SGCZ: variants seen among roughly 807,000 people sequenced by gnomAD.
SGCZ encodes zeta-sarcoglycan.
Under a neutral mutation model 41.3 loss-of-function variants are expected in SGCZ, and 40 were observed. The ratio of observed to expected loss-of-function variants is 0.97; its 90% CI spans 0.75 to 1.26. The LOEUF (loss-of-function observed/expected upper bound fraction) is 1.26, where lower values mean the gene tolerates loss of function less well. Among genes scored for constraint, SGCZ ranks in the 50% most tolerant of loss-of-function variants. SGCZ has a pLI of 0.00. For missense variants in SGCZ, 552 were observed against 369.8 expected (o/e 1.49, Z -4.04); for synonymous variants, 206 against 137.5 (o/e 1.50, Z -3.49).
intron 2 of SGCZ, among the ~76,000 whole-genome samples, chr8:14,533,331 A>G (rs1349439074): frequency 6.7e-6 from 1 of 148,330 alleles, no homozygotes; most frequent in East Asian, 2.2e-4. Context: ...TATTAGCAAC[A>G]CTAAAAAAAT....
intron 1 of SGCZ, among the ~76,000 whole-genome samples, chr8:15,109,512 T>C (rs1006417125): frequency 6.6e-6 from 1 of 152,118 alleles, no homozygotes; most frequent in African/African-American, 2.4e-5. Flanking sequence ...TTATTTGCAA[T>C]GAGTCACAGA....
chr8:14,267,897 AT>A (rs1799929023), intron 3 of SGCZ, among the ~76,000 whole-genome samples: 1 of 152,022 alleles, frequency 6.6e-6, no homozygotes, highest in South Asian at 2.1e-4. Flanking sequence ...CTATTTTTAC[AT>A]TTAGGTTCTT....
chr8:14,672,153 G>T (rs1196323847), intron 1 of SGCZ, among the ~76,000 whole-genome samples: 1 of 152,126 alleles, frequency 6.6e-6, no homozygotes, highest in Non-Finnish European at 1.5e-5. Flanking sequence ...CCTTCTAAAT[G>T]CCATGAATAG....
intron 5 of SGCZ, among the ~76,000 whole-genome samples, chr8:14,159,382 A>G (rs1803974350): frequency 6.6e-6 from 1 of 152,232 alleles, no homozygotes; most frequent in Admixed American, 6.5e-5. Flanking sequence ...AGCTTAAAAA[A>G]ATAAATCATG....
At chr8:15,190,702 G>A (rs758618305) in intron 1 of SGCZ, among the ~76,000 whole-genome samples, 8 of 149,956 alleles carry the variant, frequency 5.3e-5, no homozygotes, top group East Asian at 2.0e-4. Flanking sequence ...TGCGTGTGTC[G>A]TGGGGGATGG....
At chr8:15,086,299 A>C (rs1805946581) in intron 1 of SGCZ, among the ~76,000 whole-genome samples, 2 of 152,188 alleles carry the variant, frequency 1.3e-5, no homozygotes, top group Admixed American at 1.3e-4. Flanking sequence ...CGAAAACTAC[A>C]ACGTGGTTGC....
intron 1 of SGCZ, among the ~76,000 whole-genome samples, chr8:14,810,699 C>G (rs115030950): frequency 2.0e-5 from 3 of 152,108 alleles, no homozygotes; most frequent in African/African-American, 7.2e-5. Flanking sequence ...ACTTCTGGTT[C>G]AGTGACTTCC....
At chr8:14,892,108 A>G (rs1563343396) in intron 1 of SGCZ, among the ~76,000 whole-genome samples, 1 of 152,210 alleles carries the variant, frequency 6.6e-6, no homozygotes, top group Non-Finnish European at 1.5e-5. Flanking sequence ...ACAATTTATT[A>G]CGTATGTAGT....
intron 1 of SGCZ, among the ~76,000 whole-genome samples, chr8:15,111,286 G>T (rs1034231926): frequency 2.0e-5 from 3 of 152,072 alleles, no homozygotes; most frequent in Non-Finnish European, 2.9e-5. Context: ...GGTAACAAAG[G>T]ATCAGAGGCA....
chr8:14,756,856 G>A (rs570370924), intron 1 of SGCZ, among the ~76,000 whole-genome samples: 1 of 152,218 alleles, frequency 6.6e-6, no homozygotes, highest in East Asian at 1.9e-4. Flanking sequence ...GTTATGAAAA[G>A]CCAACAGTAA....
chr8:14,153,697 A>G (rs1803784245), intron 5 of SGCZ, among the ~76,000 whole-genome samples: 1 of 152,146 alleles, frequency 6.6e-6, no homozygotes, highest in African/African-American at 2.4e-5. Flanking sequence ...GAAAGAGGCT[A>G]AGGACCACAT....
intron 6 of SGCZ, among the ~76,000 whole-genome samples, chr8:14,102,957 A>C (rs1022131050): frequency 6.6e-6 from 1 of 152,202 alleles, no homozygotes; most frequent in Non-Finnish European, 1.5e-5. Flanking sequence ...TCTTGTAAAC[A>C]TGAATGCTTT....
chr8:14,353,977 C>T (rs1240854154), intron 2 of SGCZ, among the ~76,000 whole-genome samples: 1 of 152,054 alleles, frequency 6.6e-6, no homozygotes, highest in African/African-American at 2.4e-5. Flanking sequence ...ATCTAGTTCT[C>T]ATAAGTAGAC....
rs761662860 is a variant in SGCZ, at chr8:14,583,696, A to G, written c.40-28770T>C. 2.0e-5 allele frequency among the ~76,000 whole-genome samples: 3 copies of G among 152,278 alleles called. No individual in the cohort carries two copies. In the Middle Eastern group the frequency reaches 0.01, roughly 518 times the overall value. ...TCCACTCTTAAAAATTCGAGTAGAG[A>G]TGAAAAATCTTCTGTGAATAATTTG... is the stretch of plus-strand genomic sequence containing the variant. On this transcript the variant is annotated intron_variant, in intron 1 of 7. Coordinates refer to ENST00000382080, the MANE Select transcript of SGCZ (RefSeq NM_139167.4).
chr8:14,255,004 T>A (rs574718738), intron 3 of SGCZ, among the ~76,000 whole-genome samples: 1 of 152,306 alleles, frequency 6.6e-6, no homozygotes, highest in Non-Finnish European at 1.5e-5. Flanking sequence ...TTTCTCCAGT[T>A]TGGCTGCTTT....
At chr8:14,274,685 A>T (rs1040986438) in intron 3 of SGCZ, among the ~76,000 whole-genome samples, 1 of 152,154 alleles carries the variant, frequency 6.6e-6, no homozygotes, top group African/African-American at 2.4e-5. Context: ...GACAACCTCA[A>T]ATGTGCCCTT....
chr8:15,140,314 C>T (rs757296810), intron 1 of SGCZ, among the ~76,000 whole-genome samples: 4 of 152,074 alleles, frequency 2.6e-5, no homozygotes, highest in Non-Finnish European at 5.9e-5. Context: ...TATGAGCCAC[C>T]GTGCCCAGTC....
chr8:14,843,941 T>C (rs543800884), intron 1 of SGCZ, among the ~76,000 whole-genome samples: 68 of 151,806 alleles, frequency 4.5e-4, no homozygotes, highest in African/African-American at 1.6e-3. Flanking sequence ...AGAAAAAAAT[T>C]TAGGAAGGAA....
chr8:14,235,641 G>C (rs1806728863), intron 4 of SGCZ, among the ~76,000 whole-genome samples: 1 of 152,094 alleles, frequency 6.6e-6, no homozygotes, highest in African/African-American at 2.4e-5. Context: ...GCATTAAGTA[G>C]CTATTGTGTC....
Sources: gnomAD v4.1 joint callset for allele counts (sites outside exome capture counted in the v4.1 genomes callset) on GRCh38, gnomAD v4.1.1 for gene constraint, MANE v1.5 for transcripts, NCBI Gene and HGNC (gene_info 2026-07-23, HGNC 2026-07-21) for gene names.